The following COQ3 variants were observed in gnomAD, a reference collection of about 807,000 sequenced individuals.
COQ3 encodes coenzyme Q3, methyltransferase.
Under a neutral mutation model 33.1 loss-of-function variants are expected in COQ3, and 29 were observed. That is an observed-to-expected ratio of 0.88 (90% CI 0.65 to 1.19). The LOEUF (loss-of-function observed/expected upper bound fraction) is 1.19. Among genes scored for constraint, COQ3 ranks in the 50% most tolerant of loss-of-function variants. The probability of loss-of-function intolerance (pLI) is 0.00; values close to 1 mark genes in which losing one functional copy is unlikely to be tolerated. For synonymous variants in COQ3, 173 were observed against 157.8 expected, an observed-to-expected ratio of 1.10 and a Z score of -0.72; for missense variants, 437 against 430.7, an observed-to-expected ratio of 1.01 and a Z score of -0.13.
At chr6:99,378,133 TATATATATATATATATATATATA>T (rs1247932530) in intron 3 of COQ3, among the ~76,000 whole-genome samples, 876 of 28,388 alleles carry the variant, frequency 0.031, 36 homozygotes, top group Non-Finnish European at 0.066. Context: ...TATATATATA[TATATATATATATATATATATATA>T]TTTAGAGAGA....
intron 1 of COQ3, among the ~76,000 whole-genome samples, chr6:99,385,535 T>C (rs1774601069): frequency 6.6e-6 from 1 of 151,632 alleles, no homozygotes; most frequent in Non-Finnish European, 1.5e-5. Flanking sequence ...TTCTAAACAA[T>C]CCATAAGTCA....
intron 2 of COQ3, 151 bp from the exon 3 acceptor site, chr6:99,380,492 C>G (rs2128471849): frequency 1.4e-6 from 1 of 707,904 alleles, no homozygotes; most frequent in East Asian, 2.8e-5. Flanking sequence ...ACCAAGTTTT[C>G]TTATAATCAC....
At chr6:99,375,604 C>T (rs939350619) in intron 5 of COQ3, among the ~76,000 whole-genome samples, 2 of 152,026 alleles carry the variant, frequency 1.3e-5, no homozygotes, top group African/African-American at 4.8e-5. Context: ...AGGCTAATCT[C>T]CAACTCCTAG....
intron 4 of COQ3, among the ~76,000 whole-genome samples, chr6:99,376,771 G>T (rs529848454): frequency 2.6e-5 from 4 of 151,936 alleles, no homozygotes; most frequent in Non-Finnish European, 5.9e-5. Context: ...AGGAGTTCAA[G>T]ACCAACCTGG....
rs57039767 is a variant in COQ3 at position 99,378,105 on chromosome 6, CATATATATATATATATATATAT to C, written c.387-642_387-621del. On this transcript the variant is annotated intron_variant, in intron 3 of 6. Transcript: ENST00000254759. ...ACACCTAACAGTATTGTAAACTAAACATATATATATATATATATATATATATATATATATATATATATATATA... is the reference window on the plus strand; with the variant it reads ...ACACCTAACAGTATTGTAAACTAAACATATATATATATATATATATATATA... Among the ~76,000 whole-genome samples, 70 of 77,550 alleles carry C rather than the reference CATATATATATATATATATATAT, an allele frequency of 9.0e-4. No individual in the cohort carries two copies. In the East Asian group the frequency reaches 0.014, roughly 16 times the overall value. 50.9% of individuals were successfully genotyped at this position (77,550 alleles called of 152,430 possible). A position where few individuals can be genotyped will look rare whatever the true frequency, so the allele number is the denominator to read the frequency against.
At chr6:99,385,976 C>CAAAAAAAAAAAA (rs61403627) in intron 1 of COQ3, among the ~76,000 whole-genome samples, 8 of 97,686 alleles carry the variant, frequency 8.2e-5, no homozygotes, top group African/African-American at 1.2e-4. Context: ...GACTCTGTCT[C>CAAAAAAAAAAAA]AAAAAAAAAA....
At chr6:99,386,530 G>A (rs940408749) in intron 1 of COQ3, among the ~76,000 whole-genome samples, 17 of 152,196 alleles carry the variant, frequency 1.1e-4, no homozygotes, top group Admixed American at 1.3e-4. Flanking sequence ...TTAATTCACC[G>A]CAAAAATCAA....
intron 1 of COQ3, among the ~76,000 whole-genome samples, chr6:99,390,100 G>A (rs1266137756): frequency 6.6e-6 from 1 of 152,144 alleles, no homozygotes; most frequent in Non-Finnish European, 1.5e-5. Context: ...GCGAAAGAGT[G>A]AGACTCCGTC....
intron 6 of COQ3, among the ~76,000 whole-genome samples, chr6:99,370,494 A>T (rs956825763): frequency 6.6e-6 from 1 of 151,570 alleles, no homozygotes; most frequent in African/African-American, 2.4e-5. Flanking sequence ...GATTACAGGC[A>T]TGCACCACCA....
At chr6:99,385,955 T>G (rs1582729427) in intron 1 of COQ3, among the ~76,000 whole-genome samples, 1 of 115,686 alleles carries the variant, frequency 8.6e-6, no homozygotes, top group Non-Finnish European at 1.7e-5. Context: ...CCCACCTGGG[T>G]AATGGAGGAA....
At position 99,380,094 on chromosome 6, in the gene COQ3, T is replaced by G. The variant is rs1394458053; in HGVS notation, c.386+95A>C. ...CCAAAGCAAACTTAATGTGCAGCAT[T>G]TTTTAACTAGGTATAAACTAAGAAA... On this transcript the variant is annotated intron_variant, in intron 3 of 6. Transcript: ENST00000254759. 3 of 1,175,482 alleles carry G rather than the reference T, an allele frequency of 2.6e-6. No homozygotes were observed. In the Admixed American group the frequency reaches 7.6e-5, roughly 30 times the overall value. 72.8% of individuals were successfully genotyped at this position (1,175,482 alleles called of 1,614,324 possible).
Position 99,379,718 on chromosome 6 carries a change from G to A in COQ3, c.386+471C>T, listed in dbSNP as rs575326994. Among the ~76,000 whole-genome samples, 3 of 152,188 alleles carry A rather than the reference G, an allele frequency of 2.0e-5. No homozygotes were observed. In the South Asian group the frequency reaches 6.2e-4, roughly 32 times the overall value. ...AAAAATACAAAAATTAGCTGGGCATGGTGGCAGATGCCTGTAATCCCAACT... is the reference window on the plus strand; with the variant it reads ...AAAAATACAAAAATTAGCTGGGCATAGTGGCAGATGCCTGTAATCCCAACT... On this transcript the variant is annotated intron_variant, in intron 3 of 6. Transcript: ENST00000254759.
At chr6:99,381,925 CAA>C (rs57680059) in intron 2 of COQ3, among the ~76,000 whole-genome samples, 53 of 121,636 alleles carry the variant, frequency 4.4e-4, no homozygotes, top group Admixed American at 6.2e-4. Flanking sequence ...GACTCTGTCT[CAA>C]AAAAAAAAAA....
intron 1 of COQ3, among the ~76,000 whole-genome samples, chr6:99,384,423 T>C (rs1465165223): frequency 1.3e-5 from 2 of 152,246 alleles, no homozygotes; most frequent in African/African-American, 2.4e-5. Context: ...CTACATTATG[T>C]ACATAAAATG....
Position 99,371,580 on chromosome 6 carries a change from C to G in COQ3, c.737G>C (p.Gly246Ala). ...GTTGATTGTAGTAATGAATAAAGAA[C>G]CACCGGGCTAAAAGAAATGAAATTA... ...QCCCQVLKPG[G>A]SLFITTINKT... Residue 246 changes from glycine to alanine, a missense_variant, in exon 6 of 7, where the codon GGT becomes GCT. Gly to Ala is a moderately conservative substitution (Grantham distance 60). Coordinates refer to ENST00000254759, the MANE Select transcript of COQ3 (RefSeq NM_017421.4). The G allele has an allele frequency of 6.3e-7, 1 of 1,591,194 alleles. No individual in the cohort carries two copies. Among genetic ancestry groups the G allele is most frequent in the Non-Finnish European group, 8.6e-7 (1 of 1,169,040 alleles).
chr6:99,391,610 C>T (rs539446786), intron 1 of COQ3, among the ~76,000 whole-genome samples: 38 of 152,060 alleles, frequency 2.5e-4, no homozygotes, highest in Admixed American at 2.2e-3. Flanking sequence ...TCTGCTTTTA[C>T]GGACAGACAA....
Position 99,371,534 on chromosome 6 carries a change from G to C in COQ3, c.783C>G (p.Ala261=). 6.2e-7 allele frequency: 1 copy of C among 1,606,910 alleles called. No homozygotes were observed. Residue 261 remains alanine, a synonymous_variant, in exon 6 of 7, where the codon GCC becomes GCG. Coordinates refer to ENST00000254759, the MANE Select transcript of COQ3 (RefSeq NM_017421.4). ...TTINKTQLSY[A]LGIVFSEQIA... ...TTTGCTCTGAAAAAACAATTCCCAAGGCATAGGAAAGTTGTGTTTTGTTGA... is the reference window on the plus strand; with the variant it reads ...TTTGCTCTGAAAAAACAATTCCCAACGCATAGGAAAGTTGTGTTTTGTTGA...
At chr6:99,378,178 A>C (rs1330765827) in intron 3 of COQ3, among the ~76,000 whole-genome samples, 1 of 136,794 alleles carries the variant, frequency 7.3e-6, no homozygotes, top group Non-Finnish European at 1.6e-5. Context: ...AGAGAGAGAG[A>C]GAGGACTATG....
chr6:99,386,896 A>G (rs1774667713), intron 1 of COQ3, among the ~76,000 whole-genome samples: 1 of 152,218 alleles, frequency 6.6e-6, no homozygotes, highest in South Asian at 2.1e-4. Flanking sequence ...TCTTAAAAAA[A>G]TAGAAGGGTA....
Sources: gnomAD v4.1 joint callset for allele counts (sites outside exome capture counted in the v4.1 genomes callset) on GRCh38, gnomAD v4.1.1 for gene constraint, MANE v1.5 for transcripts, NCBI Gene and HGNC (gene_info 2026-07-23, HGNC 2026-07-21) for gene names.